The following KIAA1328 variants were observed in gnomAD, a reference collection of about 807,000 sequenced individuals.
KIAA1328 encodes the protein KIAA1328.
Under a neutral mutation model 68.1 loss-of-function variants are expected in KIAA1328, and 52 were observed. The ratio of observed to expected loss-of-function variants is 0.76; its 90% CI spans 0.61 to 0.96. KIAA1328 has a LOEUF of 0.96. KIAA1328 is among the 40% of genes least tolerant of loss of function. The pLI is 0.00. For missense variants in KIAA1328, 641 were observed against 677.6 expected (o/e 0.95, Z 0.60); for synonymous variants, 232 against 239.4 (o/e 0.97, Z 0.28).
intron 6 of KIAA1328, among the ~76,000 whole-genome samples, chr18:36,972,377 C>G (rs2052261278): frequency 6.6e-6 from 1 of 152,120 alleles, no homozygotes; most frequent in Admixed American, 6.6e-5. Context: ...TATACCTGAA[C>G]TTCAACAGTG....
intron 5 of KIAA1328, among the ~76,000 whole-genome samples, chr18:36,941,911 T>G (rs943903135): frequency 6.6e-6 from 1 of 152,056 alleles, no homozygotes; most frequent in Non-Finnish European, 1.5e-5. Flanking sequence ...AGAAATTGTT[T>G]AGTGAAACAT....
chr18:36,949,488 A>G lies in KIAA1328; in HGVS notation c.449-9820A>G, dbSNP rs2051052669. ...CCTTACCTTTAAAGTTGGAGAAATA[A>G]ACCTTGGGTCTCCATTGTGTAGGTA... On this transcript the variant is annotated intron_variant, in intron 5 of 9. Transcript: ENST00000280020. 2.0e-5 allele frequency among the ~76,000 whole-genome samples: 3 copies of G among 152,012 alleles called. No homozygotes were observed. The South Asian group carries it at 6.2e-4, about 32-fold the overall frequency.
At chr18:37,141,553 T>C (rs1448878457) in intron 7 of KIAA1328, among the ~76,000 whole-genome samples, 1 of 152,254 alleles carries the variant, frequency 6.6e-6, no homozygotes, top group African/African-American at 2.4e-5. Context: ...ACTGAGCTGC[T>C]GTGAACATTT....
At chr18:36,920,510 C>T (rs2049877905) in intron 5 of KIAA1328, among the ~76,000 whole-genome samples, 2 of 152,006 alleles carry the variant, frequency 1.3e-5, no homozygotes, top group African/African-American at 4.8e-5. Flanking sequence ...GCTCTTTTTG[C>T]TTAGGATTGC....
At chr18:37,006,754 T>A (rs1474626273) in intron 6 of KIAA1328, among the ~76,000 whole-genome samples, 1 of 152,156 alleles carries the variant, frequency 6.6e-6, no homozygotes, top group African/African-American at 2.4e-5. Flanking sequence ...AATCTGTAAG[T>A]GTCTTCTCAG....
intron 7 of KIAA1328, among the ~76,000 whole-genome samples, chr18:37,147,886 C>T (rs1053419582): frequency 6.6e-6 from 1 of 152,110 alleles, no homozygotes; most frequent in African/African-American, 2.4e-5. Flanking sequence ...ATAGAGTATA[C>T]ATACACAAAC....
At chr18:37,186,564 C>CAAAA (rs397858280) in intron 9 of KIAA1328, among the ~76,000 whole-genome samples, 20 of 73,050 alleles carry the variant, frequency 2.7e-4, no homozygotes, top group East Asian at 4.8e-4. Flanking sequence ...GAAACCCTAT[C>CAAAA]AAAAAAAAAA....
intron 7 of KIAA1328, among the ~76,000 whole-genome samples, chr18:37,076,819 A>C (rs947547212): frequency 6.6e-6 from 1 of 151,946 alleles, no homozygotes; most frequent in Non-Finnish European, 1.5e-5. Flanking sequence ...CAATAACAGG[A>C]TCTGAAATTG....
At chr18:37,058,904 G>GT (rs995042615) in intron 6 of KIAA1328, among the ~76,000 whole-genome samples, 22 of 147,760 alleles carry the variant, frequency 1.5e-4, no homozygotes, top group Middle Eastern at 3.5e-3. Context: ...TGCAAGTTGT[G>GT]TTTTTTTTTT....
Position 37,225,184 on chromosome 18 carries a change from G to A in KIAA1328, c.*2957G>A. 3.0e-6 allele frequency: 3 copies of A among 985,498 alleles called. No homozygotes were observed. Among genetic ancestry groups the A allele is most frequent in the Non-Finnish European group, 3.6e-6 (3 of 829,966 alleles). 61.0% of individuals were successfully genotyped at this position (985,498 alleles called of 1,614,324 possible). A position where few individuals can be genotyped will look rare whatever the true frequency, so the allele number is the denominator to read the frequency against. The stretch of plus-strand genomic sequence containing the variant: ...GGAGAGGCCTGATGGGGCAGAGCTG[G>A]ACGAAGTCTGCTAAGAGAGATGGAG... On this transcript the variant is annotated 3_prime_UTR_variant, in exon 10 of 10. Transcript: ENST00000280020.
At chr18:37,199,671 A>T (rs915982046) in intron 9 of KIAA1328, among the ~76,000 whole-genome samples, 1 of 152,200 alleles carries the variant, frequency 6.6e-6, no homozygotes, top group Non-Finnish European at 1.5e-5. Context: ...GAATTGCCTC[A>T]CTGTCTTCCA....
intron 4 of KIAA1328, among the ~76,000 whole-genome samples, chr18:36,862,476 T>C (rs1435229900): frequency 3.9e-5 from 6 of 151,958 alleles, no homozygotes; most frequent in African/African-American, 1.4e-4. Context: ...ACTGACTTCT[T>C]TTTTTTTAAA....
chr18:36,999,336 T>A (rs1286196819), intron 6 of KIAA1328, among the ~76,000 whole-genome samples: 1 of 152,122 alleles, frequency 6.6e-6, no homozygotes, highest in African/African-American at 2.4e-5. Flanking sequence ...CAGAAAAGGA[T>A]TAGAAAACCT....
intron 7 of KIAA1328, among the ~76,000 whole-genome samples, chr18:37,155,522 G>A (rs983990332): frequency 4.0e-5 from 6 of 151,890 alleles, no homozygotes; most frequent in South Asian, 4.2e-4. Flanking sequence ...ATGTCTTTCC[G>A]TTCCTACTAC....
chr18:36,870,405 G>A (rs59419623), intron 4 of KIAA1328, among the ~76,000 whole-genome samples: 20,713 of 151,980 alleles, frequency 0.14, 1,757 homozygotes, highest in Admixed American at 0.18. Flanking sequence ...TATTCATTCT[G>A]AAATATAACT....
At chr18:37,010,855 T>C (rs1396875846) in intron 6 of KIAA1328, among the ~76,000 whole-genome samples, 1 of 152,164 alleles carries the variant, frequency 6.6e-6, no homozygotes, top group Non-Finnish European at 1.5e-5. Context: ...AGGATAGAGG[T>C]GTATATAGCA....
chr18:37,166,940 A>G (rs1382531505), intron 8 of KIAA1328, among the ~76,000 whole-genome samples: 1 of 152,222 alleles, frequency 6.6e-6, no homozygotes, highest in Admixed American at 6.5e-5. Flanking sequence ...AAACCTCCCA[A>G]CAAAACAAGC....
At chr18:36,853,601 A>G (rs2047286079) in intron 4 of KIAA1328, among the ~76,000 whole-genome samples, 1 of 152,096 alleles carries the variant, frequency 6.6e-6, no homozygotes, top group Admixed American at 6.5e-5. Flanking sequence ...TGCATCTTCT[A>G]TCCTATGTTG....
chr18:36,829,261 C>T (rs556842203), intron 1 of KIAA1328, 65 bp downstream of exon 1: 843 of 1,454,588 alleles, frequency 5.8e-4, no homozygotes, highest in Non-Finnish European at 7.2e-4. Flanking sequence ...GGCGAGCCGT[C>T]GCGTGGCAGT....
Sources: allele counts gnomAD v4.1 joint callset (sites outside exome capture counted in the v4.1 genomes callset), GRCh38; gene constraint gnomAD v4.1.1; transcripts MANE v1.5; gene names NCBI Gene and HGNC (gene_info 2026-07-23, HGNC 2026-07-21).